ANKRD28: variants seen among roughly 807,000 people sequenced by gnomAD.
ANKRD28 encodes serine/threonine-protein phosphatase 6 regulatory ankyrin repeat subunit A.
A neutral mutation model predicts 126.5 loss-of-function variants in ANKRD28; 44 were observed. The ratio of observed to expected loss-of-function variants is 0.35; its 90% CI spans 0.27 to 0.45. The LOEUF is 0.45. ANKRD28 is among the 20% of genes least tolerant of loss of function. The probability of loss-of-function intolerance (pLI) is 1.00; values close to 1 mark genes in which losing one functional copy is unlikely to be tolerated. For missense variants in ANKRD28, 1,110 were observed against 1,316.6 expected, an observed-to-expected ratio of 0.84 and a Z score of 2.43; for synonymous variants, 442 against 468.5, an observed-to-expected ratio of 0.94 and a Z score of 0.73.
intron 3 of ANKRD28, among the ~76,000 whole-genome samples, chr3:15,762,925 A>T (rs112153863): frequency 4.6e-5 from 7 of 152,326 alleles, no homozygotes; most frequent in African/African-American, 1.7e-4. Context: ...ACTTCAAAAG[A>T]TCATGGAGGT....
At chr3:15,738,887 C>G (rs904187246) in intron 4 of ANKRD28, 2 of 152,172 alleles carry the variant, frequency 1.3e-5, no homozygotes, top group African/African-American at 4.8e-5. Context: ...GACAGACGTT[C>G]CCAGAGCAGC....
rs2060736456 is a variant in ANKRD28 at position 15,812,463 on chromosome 3, C to T, written c.28-17157G>A. On this transcript the variant is annotated intron_variant, in intron 1 of 27. Transcript: ENST00000399451. This position sits in a 1 kb window ranked among gnomAD's most constrained non-coding sequence, Gnocchi z 4.1. ...GCAAAATTAGCTAAATGATTTGTGA[C>T]TCTGCCTTTTCTCCAACACACATTC... is the stretch of plus-strand genomic sequence containing the variant. 2.0e-5 allele frequency among the ~76,000 whole-genome samples: 3 copies of T among 152,308 alleles called. No individual in the cohort carries two copies. The highest frequency in any genetic ancestry group is 3.4e-3 in the Middle Eastern group (1 of 294).
At chr3:15,724,962 T>C (rs924362716) in intron 6 of ANKRD28, among the ~76,000 whole-genome samples, 1 of 152,044 alleles carries the variant, frequency 6.6e-6, no homozygotes, top group Admixed American at 6.6e-5. Context: ...GGGTGGGCAA[T>C]GGAGCGAGGC....
intron 1 of ANKRD28, among the ~76,000 whole-genome samples, chr3:15,858,352 T>A (rs2061819936): frequency 6.6e-6 from 1 of 152,258 alleles, no homozygotes; most frequent in Non-Finnish European, 1.5e-5. Context: ...ACACAAGGTC[T>A]GCGATCAGCC....
chr3:15,672,315 AC>A (rs2066456317), intron 27 of ANKRD28, among the ~76,000 whole-genome samples: 1 of 151,306 alleles, frequency 6.6e-6, no homozygotes, highest in Non-Finnish European at 1.5e-5. Flanking sequence ...TAATTTTTAA[AC>A]TTTTTTGTAG....
At chr3:15,676,310 T>A in intron 26 of ANKRD28, 1 of 218,284 alleles carries the variant, frequency 4.6e-6, no homozygotes, top group Non-Finnish European at 8.9e-6. Context: ...ATTCCTCCGT[T>A]GTTAAGGAAT....
intron 13 of ANKRD28, 81 bp from the exon 14 acceptor site, chr3:15,708,145 T>C: frequency 6.9e-7 from 1 of 1,444,240 alleles, no homozygotes; most frequent in East Asian, 2.5e-5. Flanking sequence ...CTCTTACTCC[T>C]CCCAGTTACA....
At chr3:15,678,184 T>C (rs1311121446) in intron 24 of ANKRD28, 25 bp downstream of exon 24, 18 of 1,587,252 alleles carry the variant, frequency 1.1e-5, no homozygotes, top group Non-Finnish European at 1.5e-5. Flanking sequence ...CTTAGGAAAA[T>C]ACAATTTTAA....
intron 1 of ANKRD28, among the ~76,000 whole-genome samples, chr3:15,828,651 G>T (rs2061121629): frequency 7.7e-6 from 1 of 130,028 alleles, no homozygotes; most frequent in South Asian, 2.6e-4. Flanking sequence ...AAAAATATTA[G>T]TATCTGGGGG....
intron 14 of ANKRD28, among the ~76,000 whole-genome samples, chr3:15,704,715 A>G (rs2071117752): frequency 6.6e-6 from 1 of 152,160 alleles, no homozygotes; most frequent in Admixed American, 6.5e-5. Flanking sequence ...ATTTTTTACA[A>G]TTTAAGAAAA....
At chr3:15,721,205 T>G in intron 7 of ANKRD28, 78 bp from the exon 8 acceptor site, 1 of 1,204,710 alleles carries the variant, frequency 8.3e-7, no homozygotes, top group South Asian at 1.4e-5. Context: ...TAGCAACCTG[T>G]GGTTGCAATC....
At chr3:15,722,968 G>A (rs575218566) in intron 7 of ANKRD28, among the ~76,000 whole-genome samples, 1 of 152,172 alleles carries the variant, frequency 6.6e-6, no homozygotes, top group Admixed American at 6.5e-5. Context: ...CACAATTGGG[G>A]GCCAGATGTT....
intron 2 of ANKRD28, among the ~76,000 whole-genome samples, chr3:15,772,740 G>GCC (rs2059078034): frequency 6.6e-6 from 1 of 152,166 alleles, no homozygotes; most frequent in South Asian, 2.1e-4. Context: ...AGGCTAGCGT[G>GCC]CAGTGGCGCG....
At chr3:15,829,352 T>C (rs1448828767) in intron 1 of ANKRD28, among the ~76,000 whole-genome samples, 1 of 152,208 alleles carries the variant, frequency 6.6e-6, no homozygotes, top group Non-Finnish European at 1.5e-5. Context: ...GGTTCAAGTA[T>C]ATGAAGAAAA....
In ANKRD28 at chr3:15,796,849, G is replaced by T; in HGVS notation, c.-328C>A. ...AAAATATTTTTCCTCTACCAAAATA[G>T]TCTTATTGCTCTATCTCTGAAATTT... On this transcript the variant is annotated 5_prime_UTR_variant, in exon 1 of 28. Transcript: ENST00000683139. 1.0e-6 allele frequency: 1 copy of T among 988,510 alleles called. No homozygotes were observed. Among genetic ancestry groups the T allele is most frequent in the African/African-American group, 1.7e-5 (1 of 57,296 alleles). 61.2% of individuals were successfully genotyped at this position (988,510 alleles called of 1,614,324 possible).
rs946980931 is a variant in ANKRD28, at chr3:15,693,656, T to C, written c.1761+1083A>G. Among the ~76,000 whole-genome samples, 5 of 152,264 alleles carry C rather than the reference T, an allele frequency of 3.3e-5. No individual in the cohort carries two copies. In the South Asian group the frequency reaches 1.0e-3, roughly 32 times the overall value. ...GCTGCTCAGTCTTCATTTCTTTTCA[T>C]CAATAGTAAAATGGCTATTTCTTCC... On this transcript the variant is annotated intron_variant, in intron 17 of 27. Coordinates refer to ENST00000683139, the MANE Select transcript of ANKRD28 (RefSeq NM_001349278.2).
chr3:15,693,753 A>C (rs1361474499), intron 17 of ANKRD28, among the ~76,000 whole-genome samples: 3 of 152,184 alleles, frequency 2.0e-5, no homozygotes, highest in African/African-American at 7.2e-5. Flanking sequence ...CCAAGGACTC[A>C]AAGGGCAAAG....
intron 1 of ANKRD28, among the ~76,000 whole-genome samples, chr3:15,858,050 T>C (rs908615101): frequency 1.2e-4 from 18 of 152,246 alleles, no homozygotes; most frequent in African/African-American, 3.9e-4. Context: ...TCTCTAACAC[T>C]GCTGTCCAGT....
intron 3 of ANKRD28, among the ~76,000 whole-genome samples, chr3:15,764,386 T>A (rs144332151): frequency 1.3e-5 from 2 of 152,298 alleles, no homozygotes; most frequent in East Asian, 3.9e-4. Context: ...ATGCTCATGA[T>A]AAGACTCATT....
Sources: gnomAD v4.1 joint callset for allele counts (sites outside exome capture counted in the v4.1 genomes callset) on GRCh38, gnomAD v4.1.1 for gene constraint, Gnocchi (gnomAD v3.1) non-coding constraint, MANE v1.5 for transcripts, NCBI Gene and HGNC (gene_info 2026-07-23, HGNC 2026-07-21) for gene names.